GRIA1: variants seen among roughly 807,000 people sequenced by gnomAD.
The protein encoded by GRIA1 is glutamate receptor 1.
A neutral mutation model predicts 99.2 loss-of-function variants in GRIA1; 31 were observed. The ratio of observed to expected loss-of-function variants is 0.31; its 90% CI spans 0.23 to 0.42. GRIA1 has a LOEUF of 0.42. Among genes scored for constraint, GRIA1 ranks in the 10% least tolerant of loss-of-function variants. The probability of loss-of-function intolerance (pLI) is 1.00; values close to 1 mark genes in which losing one functional copy is unlikely to be tolerated. For missense variants in GRIA1, 782 were observed against 1,157.5 expected (o/e 0.68, Z 4.71); for synonymous variants, 438 against 432.4 (o/e 1.01, Z -0.16).
At chr5:153,787,744 A>G (rs76577346) in intron 13 of GRIA1, among the ~76,000 whole-genome samples, 11,056 of 152,110 alleles carry the variant, frequency 0.073, 493 homozygotes, top group Middle Eastern at 0.14. Context: ...CTTCAACTTG[A>G]CCATCTCCTT....
At chr5:153,760,380 G>A (rs1763100768) in intron 11 of GRIA1, among the ~76,000 whole-genome samples, 1 of 151,960 alleles carries the variant, frequency 6.6e-6, no homozygotes, top group Admixed American at 6.6e-5. Context: ...TATTTTTATA[G>A]TCTAACAGAA....
rs764080775 is a variant in GRIA1, at chr5:153,706,011, C to T, written c.1767C>T (p.Asn589=). 1.2e-6 allele frequency: 2 copies of T among 1,613,770 alleles called. No individual in the cohort carries two copies. Among genetic ancestry groups the T allele is most frequent in the Non-Finnish European group, 1.7e-6 (2 of 1,179,730 alleles). ...AGTCCAATGAGTTTGGGATATTCAA[C>T]AGTTTGTGGTTCTCCCTGGGAGCCT... ...SDQSNEFGIF[N]SLWFSLGAFM... is the part of the protein sequence containing the mutation. Residue 589 remains asparagine (N), a synonymous_variant, in exon 11 of 16, where the codon AAC becomes AAT. Coordinates refer to ENST00000285900, the MANE Select transcript of GRIA1 (RefSeq NM_000827.4).
Position 153,698,127 on chromosome 5 carries a change from C to T in GRIA1, c.1218C>T (p.Asn406=), listed in dbSNP as rs762722996. 3 of 1,602,134 alleles carry T rather than the reference C, an allele frequency of 1.9e-6. No individual in the cohort carries two copies. The highest frequency in any genetic ancestry group is 2.7e-5 in the African/African-American group (2 of 74,658). The part of the protein sequence containing the change: ...QAGGDNSSVQ[N]RTYIVTTILE... ...GGGGCGATAATTCAAGTGTTCAGAACAGAACATACATCGTCACAACAATCC... is the reference window on the plus strand; with the variant it reads ...GGGGCGATAATTCAAGTGTTCAGAATAGAACATACATCGTCACAACAATCC... The change falls in exon 9 of 16, where the codon AAC becomes AAT. Residue 406 remains asparagine, a synonymous_variant. Coordinates refer to ENST00000285900, the MANE Select transcript of GRIA1 (RefSeq NM_000827.4).
intron 11 of GRIA1, among the ~76,000 whole-genome samples, chr5:153,718,094 T>C (rs10041141): frequency 0.5 from 76,581 of 152,106 alleles, 20,020 homozygotes; most frequent in East Asian, 0.93. Flanking sequence ...CCACCTGGGA[T>C]CTAAACCTTG....
At chr5:153,543,341 C>G (rs548230343) in intron 2 of GRIA1, among the ~76,000 whole-genome samples, 2 of 152,308 alleles carry the variant, frequency 1.3e-5, no homozygotes, top group Admixed American at 1.3e-4. Flanking sequence ...AGAGAGTTTA[C>G]TATTGTATAT....
chr5:153,672,401 G>C (rs978025862), intron 5 of GRIA1, among the ~76,000 whole-genome samples: 1 of 152,144 alleles, frequency 6.6e-6, no homozygotes, highest in African/African-American at 2.4e-5. Flanking sequence ...GTCTACAACA[G>C]GGCAAGAACT....
At chr5:153,763,234 G>A (rs1269039748) in intron 11 of GRIA1, among the ~76,000 whole-genome samples, 1 of 152,162 alleles carries the variant, frequency 6.6e-6, no homozygotes, top group Non-Finnish European at 1.5e-5. Flanking sequence ...CACATATAAG[G>A]TCAACACAGA....
intron 8 of GRIA1, among the ~76,000 whole-genome samples, chr5:153,689,662 G>T (rs1313863054): frequency 6.6e-6 from 1 of 152,128 alleles, no homozygotes; most frequent in Admixed American, 6.6e-5. Flanking sequence ...TAGTCTCTCT[G>T]GGTCTCTAAA....
chr5:153,653,985 A>G (rs1219315332), intron 4 of GRIA1, among the ~76,000 whole-genome samples: 1 of 152,202 alleles, frequency 6.6e-6, no homozygotes, highest in Non-Finnish European at 1.5e-5. Context: ...AATGGGGGTC[A>G]GTGAGGTGAT....
intron 7 of GRIA1, among the ~76,000 whole-genome samples, chr5:153,679,832 C>T (rs1756849289): frequency 1.3e-5 from 2 of 152,288 alleles, no homozygotes; most frequent in African/African-American, 4.8e-5. Context: ...TAAGTTAGGC[C>T]AAGAGGTCCA....
chr5:153,528,965 A>G (rs1757858473), intron 2 of GRIA1, among the ~76,000 whole-genome samples: 1 of 152,146 alleles, frequency 6.6e-6, no homozygotes, highest in Non-Finnish European at 1.5e-5. Flanking sequence ...AGAATGAATG[A>G]GTCTCCCCAT....
intron 2 of GRIA1, among the ~76,000 whole-genome samples, chr5:153,543,660 A>G (rs1759343139): frequency 6.6e-6 from 1 of 152,188 alleles, no homozygotes; most frequent in African/African-American, 2.4e-5. Flanking sequence ...CTTTTCTGAA[A>G]ATAGAGATAA....
In GRIA1 at chr5:153,783,431, A is replaced by G. The variant is rs147922382; in HGVS notation, c.2271-11190A>G. On this transcript the variant is annotated intron_variant, in intron 13 of 15. Coordinates refer to ENST00000285900, the MANE Select transcript of GRIA1 (RefSeq NM_000827.4). The stretch of plus-strand genomic sequence containing the variant: ...CAGATGTGGTTTACTGTGAGCTGCA[A>G]ATGAACTGTTGACACCTGCTTCTCA... 3.9e-5 allele frequency among the ~76,000 whole-genome samples: 6 copies of G among 152,312 alleles called. No individual in the cohort carries two copies. In the East Asian group the frequency reaches 7.7e-4, roughly 20 times the overall value.
intron 2 of GRIA1, among the ~76,000 whole-genome samples, chr5:153,616,829 C>T (rs1404790668): frequency 6.6e-6 from 1 of 152,168 alleles, no homozygotes; most frequent in Admixed American, 6.5e-5. Context: ...TCTCCACATG[C>T]CTCGACTGAC....
chr5:153,581,088 C>T (rs1007883718), intron 2 of GRIA1, among the ~76,000 whole-genome samples: 4 of 152,222 alleles, frequency 2.6e-5, no homozygotes, highest in Non-Finnish European at 4.4e-5. Flanking sequence ...GGCATGCGGA[C>T]GGCTTCCTAC....
chr5:153,757,829 GAC>G (rs1451634832), intron 11 of GRIA1, among the ~76,000 whole-genome samples: 9 of 152,092 alleles, frequency 5.9e-5, no homozygotes, highest in Admixed American at 2.6e-4. Flanking sequence ...GGAAGAAAAG[GAC>G]ACTATGTGTA....
At chr5:153,657,663 TC>T (rs1755052664) in intron 5 of GRIA1, among the ~76,000 whole-genome samples, 1 of 152,324 alleles carries the variant, frequency 6.6e-6, no homozygotes, top group Non-Finnish European at 1.5e-5. Flanking sequence ...AGAAATTCTG[TC>T]CTTCTTTCTG....
intron 10 of GRIA1, among the ~76,000 whole-genome samples, chr5:153,702,949 T>A (rs4132124): frequency 0.45 from 68,162 of 152,036 alleles, 15,658 homozygotes; most frequent in Admixed American, 0.5. Context: ...CAACTGTTTC[T>A]TTTGAGGCTA....
intron 2 of GRIA1, among the ~76,000 whole-genome samples, chr5:153,575,230 A>G (rs1196710990): frequency 2.5e-5 from 3 of 118,596 alleles, no homozygotes; most frequent in Non-Finnish European, 4.0e-5. Context: ...AGCTGTTTAA[A>G]AAAAGAAGAA....
Sources: allele counts gnomAD v4.1 joint callset (sites outside exome capture counted in the v4.1 genomes callset), GRCh38; gene constraint gnomAD v4.1.1; transcripts MANE v1.5; gene names NCBI Gene and HGNC (gene_info 2026-07-23, HGNC 2026-07-21).